The following LRRC37A variants were observed in gnomAD, a reference collection of about 807,000 sequenced individuals.
LRRC37A encodes leucine rich repeat containing 37A.
Under a neutral mutation model 35.4 loss-of-function variants are expected in LRRC37A, and 3 were observed. The ratio of observed to expected loss-of-function variants is 0.08; its 90% CI spans 0.04 to 0.22. The LOEUF is 0.22. LRRC37A is among the 10% of genes least tolerant of loss of function. The pLI, the probability that LRRC37A is intolerant of heterozygous loss-of-function variation, is 1.00. For synonymous variants in LRRC37A, 23 were observed against 215.0 expected (o/e 0.11, Z 7.81); for missense variants, 67 against 565.3 (o/e 0.12, Z 8.94).
intron 9 of LRRC37A, among the ~76,000 whole-genome samples, chr17:46,332,289 A>T (rs1048543301): frequency 9.7e-5 from 6 of 61,790 alleles, no homozygotes; most frequent in African/African-American, 5.3e-4. Context: ...GCCTGTCTCC[A>T]CAAAAAATAA....
the LRRC37A span, among the ~76,000 whole-genome samples, chr17:46,276,774 A>ATTTTTTTC: frequency 6.7e-6 from 1 of 148,488 alleles, no homozygotes; most frequent in African/African-American, 2.5e-5. Context: ...TTGCATTGTA[A>ATTTTTTTC]TTTTTTTCTT....
the LRRC37A span, among the ~76,000 whole-genome samples, chr17:46,285,660 G>C: frequency 6.6e-6 from 1 of 152,232 alleles, no homozygotes; most frequent in African/African-American, 2.4e-5. Flanking sequence ...AGTCACGTTA[G>C]ATTATCTGAG....
chr17:46,255,449 T>C, the LRRC37A span, among the ~76,000 whole-genome samples: 1 of 140,280 alleles, frequency 7.1e-6, no homozygotes, highest in African/African-American at 2.6e-5. Context: ...CACTGCAACC[T>C]CCACCTTTCA....
chr17:46,284,792 T>A, the LRRC37A span, among the ~76,000 whole-genome samples: 1 of 152,256 alleles, frequency 6.6e-6, no homozygotes, highest in African/African-American at 2.4e-5. Context: ...AGACTACGAT[T>A]CCCTTTTTAG....
upstream of LRRC37A, among the ~76,000 whole-genome samples, chr17:46,289,899 C>G (rs2050019561): frequency 6.6e-6 from 1 of 152,226 alleles, no homozygotes; most frequent in South Asian, 2.1e-4. Context: ...GGCGGAAGAT[C>G]ACTTGCGTCC....
At chr17:46,266,908 C>T in the LRRC37A span, 1 of 286,662 alleles carries the variant, frequency 3.5e-6, no homozygotes, top group South Asian at 1.4e-4. Flanking sequence ...GCTCACGGGC[C>T]CTACGCTTCC....
the LRRC37A span, among the ~76,000 whole-genome samples, chr17:46,250,346 C>A: frequency 1.1e-4 from 17 of 151,846 alleles, no homozygotes; most frequent in South Asian, 1.2e-3. Context: ...ATACTGAGTG[C>A]CAACTTGATT....
chr17:46,332,833 T>G, intron 10 of LRRC37A, 177 bp downstream of exon 10: 1 of 410,480 alleles, frequency 2.4e-6, no homozygotes, highest in Non-Finnish European at 4.7e-6. Context: ...TATTTCAGGA[T>G]TTTTAAAGGA....
the LRRC37A span, chr17:46,260,252 G>A: frequency 2.6e-6 from 4 of 1,527,558 alleles, no homozygotes; most frequent in East Asian, 7.4e-5. Context: ...CAGGACGGCC[G>A]CAGCGGGTGG....
At chr17:46,291,169 TC>T (rs2050055691), upstream of LRRC37A, among the ~76,000 whole-genome samples, 1 of 152,276 alleles carries the variant, frequency 6.6e-6, no homozygotes, top group African/African-American at 2.4e-5. Context: ...ACCTTGAGTT[TC>T]ATTTCCTAGT....
the LRRC37A span, among the ~76,000 whole-genome samples, chr17:46,252,662 A>C: frequency 6.6e-6 from 1 of 150,670 alleles, no homozygotes; most frequent in South Asian, 2.1e-4. Flanking sequence ...TGGACACAGC[A>C]CATGTTTCAG....
chr17:46,282,628 C>T, the LRRC37A span, among the ~76,000 whole-genome samples: 1 of 150,850 alleles, frequency 6.6e-6, no homozygotes, highest in South Asian at 2.1e-4. Context: ...CATACTGTGG[C>T]CCAGGCTGGT....
the LRRC37A span, among the ~76,000 whole-genome samples, chr17:46,256,177 G>C: frequency 2.0e-5 from 3 of 152,054 alleles, no homozygotes; most frequent in African/African-American, 7.2e-5. Context: ...TTGAGATCAG[G>C]CGTTTGAGAC....
the LRRC37A span, among the ~76,000 whole-genome samples, chr17:46,253,006 G>C: frequency 1.4e-5 from 2 of 143,910 alleles, 1 homozygote; most frequent in Non-Finnish European, 3.0e-5. Context: ...CGACTGCCGG[G>C]CGGAGGGGCT....
chr17:46,259,019 A>ATTTTTTTTTTTTTTTTTTTTTTTTTT, the LRRC37A span, among the ~76,000 whole-genome samples: 1 of 79,450 alleles, frequency 1.3e-5, no homozygotes, highest in African/African-American at 6.3e-5. Context: ...CACCCGGCCT[A>ATTTTTTTTTTTTTTTTTTTTTTTTTT]TTTTTTTTTT....
chr17:46,268,822 A>C, the LRRC37A span: 519 of 678,788 alleles, frequency 7.6e-4, 2 homozygotes, highest in African/African-American at 9.4e-3. Context: ...CTGCATAGTT[A>C]CAACTGTAAT....
chr17:46,289,697 A>C (rs2050014171), upstream of LRRC37A, among the ~76,000 whole-genome samples: 1 of 152,184 alleles, frequency 6.6e-6, no homozygotes, highest in Non-Finnish European at 1.5e-5. Flanking sequence ...AATATTCCCA[A>C]AACGTTTCAT....
At chr17:46,283,378 T>C in the LRRC37A span, among the ~76,000 whole-genome samples, 19,812 of 151,942 alleles carry the variant, frequency 0.13, 2 homozygotes, top group Middle Eastern at 0.2. Flanking sequence ...AAGGAAAGGC[T>C]GGGCCATCTT....
chr17:46,279,640 G>C, the LRRC37A span, among the ~76,000 whole-genome samples: 1 of 151,802 alleles, frequency 6.6e-6, no homozygotes, highest in Non-Finnish European at 1.5e-5. Flanking sequence ...TGGGATCATG[G>C]GTGCACATCA....
Sources: allele counts gnomAD v4.1 joint callset (sites outside exome capture counted in the v4.1 genomes callset), GRCh38; gene constraint gnomAD v4.1.1; transcripts MANE v1.5; gene names NCBI Gene and HGNC (gene_info 2026-07-23, HGNC 2026-07-21).